DENND4B: variants seen among roughly 807,000 people sequenced by gnomAD.
DENND4B encodes the protein DENN domain-containing protein 4B.
A neutral mutation model predicts 161.0 loss-of-function variants in DENND4B; 67 were observed. The observed-to-expected ratio is 0.42, with a 90% CI of 0.34 to 0.51. The LOEUF is 0.51. Ranked by LOEUF, DENND4B falls within the 20% of genes least tolerant of loss-of-function variation. The pLI, the probability that DENND4B is intolerant of heterozygous loss-of-function variation, is 0.08. For missense variants in DENND4B, 1,481 were observed against 1,968.0 expected (o/e 0.75, Z 4.68); for synonymous variants, 753 against 813.8 (o/e 0.93, Z 1.27).
chr1:153,944,057 C>T lies in DENND4B; in HGVS notation c.317+1G>A. 1 of 1,562,128 alleles carries T rather than the reference C, an allele frequency of 6.4e-7. No homozygotes were observed. The highest frequency in any genetic ancestry group is 8.7e-7 in the Non-Finnish European group (1 of 1,151,342). On this transcript the variant is annotated splice_donor_variant, in intron 2 of 27. Transcript: ENST00000361217. LOFTEE classifies it high-confidence loss of function. This position sits in a 1 kb window ranked among gnomAD's most constrained non-coding sequence, Gnocchi z 4.8. The stretch of plus-strand genomic sequence containing the variant: ...GTGCCAGCATGGGTAGGGGCACACA[C>T]CCCAGCTCAACGAGGGGGGGCTTGT...
chr1:153,936,586 C>G lies in DENND4B; in HGVS notation c.2395G>C (p.Val799Leu). The part of the protein sequence containing the change: ...RVQALHTAYH[V>L]LRQMESGKVV... ...TTGCCGCTCTCCATCTGGCGCAGCA[C>G]ATGGTAGGCTGTGTGCAGTGCCTGC... is the stretch of plus-strand genomic sequence containing the variant. Residue 799 changes from valine to leucine, a missense_variant, in exon 16 of 28, where the codon GTG (valine) becomes CTG (leucine). Coordinates refer to ENST00000361217, the MANE Select transcript of DENND4B (RefSeq NM_014856.3). The surrounding 1 kb of genome is among the most constrained non-coding windows in gnomAD (Gnocchi z 4.1). The G allele has an allele frequency of 1.2e-6, 2 of 1,610,920 alleles. No individual in the cohort carries two copies.
At chr1:153,931,738 T>C (rs11586593) in intron 24 of DENND4B, among the ~76,000 whole-genome samples, 41,264 of 151,778 alleles carry the variant, frequency 0.27, 6,130 homozygotes, top group Admixed American at 0.38. Context: ...CCTCATGATC[T>C]GCCCACCTTG....
In DENND4B at chr1:153,946,636, C is replaced by G. The variant is rs947582940; in HGVS notation, c.-359G>C. On this transcript the variant is annotated 5_prime_UTR_variant, in exon 1 of 28. Coordinates refer to ENST00000361217, the MANE Select transcript of DENND4B (RefSeq NM_014856.3). The surrounding 1 kb of genome is among the most constrained non-coding windows in gnomAD (Gnocchi z 6.3). ...CGCGCGCCCCGCTTTCTCTACTCCC[C>G]CAACCCCCGCTCCGGGCCGCGGGCG... 4 of 384,842 alleles carry G rather than the reference C, an allele frequency of 1.0e-5. No homozygotes were observed. The Admixed American group carries it at 1.4e-4, about 13-fold the overall frequency. The allele number at this position is 384,842 out of a possible 1,614,324, so 23.8% of individuals were successfully genotyped here.
In DENND4B at chr1:153,937,588, G is replaced by C. The variant is rs1476601751; in HGVS notation, c.2132C>G (p.Ala711Gly). The change falls in exon 15 of 28, where the codon GCT (alanine) becomes GGT (glycine). Residue 711 changes from alanine to glycine, a missense_variant. Coordinates refer to ENST00000361217, the MANE Select transcript of DENND4B (RefSeq NM_014856.3). The surrounding 1 kb of genome is among the most constrained non-coding windows in gnomAD (Gnocchi z 4.7). ...CTCTTGAAGAGACTCAAACAACTCA[G>C]CCCGTAGCTCTGGGAATCCATCATA... ...YCYDGFPELR[A>G]ELFESLQEQP... 1 of 1,613,288 alleles carries C rather than the reference G, an allele frequency of 6.2e-7. No individual in the cohort carries two copies. The highest frequency in any genetic ancestry group is 8.5e-7 in the Non-Finnish European group (1 of 1,179,496).
chr1:153,940,213 T>G lies in DENND4B; in HGVS notation c.1546A>C (p.Arg516=), dbSNP rs1241701022. The part of the protein sequence containing the change: ...KLLSPRTLPR[R]PYKVLLATLT... ...GTGGCCAGCAGAACCTTGTAGGGTC[T>G]GCGGGGCAGGGTCCGAGGGGAGAGG... Residue 516 remains arginine, a synonymous_variant, in exon 11 of 28, where the codon AGA becomes CGA. Coordinates refer to ENST00000361217, the MANE Select transcript of DENND4B (RefSeq NM_014856.3). This position sits in a 1 kb window ranked among gnomAD's most constrained non-coding sequence, Gnocchi z 5.6. The G allele has an allele frequency of 1.2e-6, 2 of 1,603,732 alleles. No individual in the cohort carries two copies. The highest frequency in any genetic ancestry group is 2.2e-5 in the South Asian group (2 of 89,606).
In DENND4B at chr1:153,944,033, T is replaced by G; in HGVS notation, c.317+25A>C. 1.3e-6 allele frequency: 2 copies of G among 1,517,726 alleles called. No individual in the cohort carries two copies. Among genetic ancestry groups the G allele is most frequent in the Non-Finnish European group, 1.8e-6 (2 of 1,130,966 alleles). The allele number at this position is 1,517,726 out of a possible 1,614,324, so 94.0% of individuals were successfully genotyped here. A position where few individuals can be genotyped will look rare whatever the true frequency, so the allele number is the denominator to read the frequency against. On this transcript the variant is annotated intron_variant, in intron 2 of 27. Coordinates refer to ENST00000361217, the MANE Select transcript of DENND4B (RefSeq NM_014856.3). This position sits in a 1 kb window ranked among gnomAD's most constrained non-coding sequence, Gnocchi z 4.8. Reference sequence around the variant, plus strand: ...TGGAGTCCCTCCCAGCCTCCCCTGGTGCCAGCATGGGTAGGGGCACACACC... The same window carrying G: ...TGGAGTCCCTCCCAGCCTCCCCTGGGGCCAGCATGGGTAGGGGCACACACC...
chr1:153,931,718 G>A (rs1362100577), intron 24 of DENND4B, among the ~76,000 whole-genome samples: 13 of 151,606 alleles, frequency 8.6e-5, no homozygotes, highest in South Asian at 4.1e-4. Context: ...CGATGGTCTC[G>A]ATCTCCTGAC....
chr1:153,935,698 G>C (rs1405447425), intron 17 of DENND4B: 1 of 242,820 alleles, frequency 4.1e-6, no homozygotes, highest in African/African-American at 2.3e-5. Flanking sequence ...CCTTGGACGA[G>C]TTACTAACTC....
At chr1:153,939,135 G>A in intron 12 of DENND4B, 90 bp from the exon 13 acceptor site, 1 of 1,453,314 alleles carries the variant, frequency 6.9e-7, no homozygotes, top group South Asian at 1.3e-5. Context: ...TTGGCTCCCT[G>A]CCCACTCAGG....
At position 153,937,730 on chromosome 1, in the gene DENND4B, T is replaced by C. The variant is rs1162986653; in HGVS notation, c.2099A>G (p.Gln700Arg). ...AAGGCTAAGAGACTCTCACCAGTAC[T>C]GGGGAGTGGATTCACTGCCCTCTGG... ...ALPEGSESTP[Q>R]YCYDGFPELR... is the part of the protein sequence containing the mutation. The change falls in exon 14 of 28, where the codon CAG becomes CGG. Residue 700 changes from glutamine to arginine, a missense_variant. Around this residue, in one of 3 missense-constraint regions of DENND4B, gnomAD observed 806 missense variants for 1,134.4 expected, o/e 0.71. Coordinates refer to ENST00000361217, the MANE Select transcript of DENND4B (RefSeq NM_014856.3). This position sits in a 1 kb window ranked among gnomAD's most constrained non-coding sequence, Gnocchi z 4.7. The C allele has an allele frequency of 1.2e-6, 2 of 1,613,936 alleles. No homozygotes were observed. Among genetic ancestry groups the C allele is most frequent in the African/African-American group, 2.7e-5 (2 of 74,944 alleles).
chr1:153,942,944 C>G lies in DENND4B; in HGVS notation c.504G>C (p.Leu168=). The G allele has an allele frequency of 6.2e-7, 1 of 1,613,462 alleles. No homozygotes were observed. Among genetic ancestry groups the G allele is most frequent in the Non-Finnish European group, 8.5e-7 (1 of 1,179,510 alleles). Residue 168 remains leucine (L), a synonymous_variant, in exon 3 of 28, where the codon CTG becomes CTC. Transcript: ENST00000361217. The surrounding 1 kb of genome is among the most constrained non-coding windows in gnomAD (Gnocchi z 6.9). ...ALGITDLCLV[L]PSKGEGTPHT... The stretch of plus-strand genomic sequence containing the variant: ...GAGGAGTGCCCTCGCCCTTACTGGG[C>G]AGCACCAGGCAGAGGTCAGTGATGC...
In DENND4B at chr1:153,932,803, A is replaced by G. The variant is rs563201689; in HGVS notation, c.3624-26T>C. ...CTGCAGGGGGATAGCAGCAGGGGTCAGCTTTTGGACCTTCACCTCCCTATT... is the reference window on the plus strand; with the variant it reads ...CTGCAGGGGGATAGCAGCAGGGGTCGGCTTTTGGACCTTCACCTCCCTATT... On this transcript the variant is annotated intron_variant, in intron 22 of 27. Coordinates refer to ENST00000361217, the MANE Select transcript of DENND4B (RefSeq NM_014856.3). This position sits in a 1 kb window ranked among gnomAD's most constrained non-coding sequence, Gnocchi z 5.8. 4 of 1,613,580 alleles carry G rather than the reference A, an allele frequency of 2.5e-6. No homozygotes were observed. The South Asian group carries it at 4.4e-5, about 18-fold the overall frequency.
chr1:153,945,948 G>A (rs1338148049), intron 1 of DENND4B, among the ~76,000 whole-genome samples: 1 of 152,204 alleles, frequency 6.6e-6, no homozygotes, highest in Non-Finnish European at 1.5e-5. Flanking sequence ...TTGGGGCAGA[G>A]GGCGCGCCGA....
At position 153,940,538 on chromosome 1, in the gene DENND4B, C is replaced by G. The variant is rs768853108; in HGVS notation, c.1395G>C (p.Leu465=). 1 of 1,613,586 alleles carries G rather than the reference C, an allele frequency of 6.2e-7. No individual in the cohort carries two copies. Among genetic ancestry groups the G allele is most frequent in the Non-Finnish European group, 8.5e-7 (1 of 1,179,728 alleles). Residue 465 remains leucine, a synonymous_variant, in exon 10 of 28, where the codon CTG becomes CTC. Transcript: ENST00000361217. This position sits in a 1 kb window ranked among gnomAD's most constrained non-coding sequence, Gnocchi z 5.6. ...CCACAATGAAGGGCACTGGGGCACT[C>G]AGCACATCTGCCAGCACCAGCGGGC... ...PLCPLVLADV[L]SAPVPFIVGI... is the part of the protein sequence containing the mutation.
Position 153,933,914 on chromosome 1 carries a change from T to G in DENND4B, c.2942-43A>C, listed in dbSNP as rs1679145486. ...ATGAGGGAAGATGGACCCCAGCCTCTGCACCAACTTCCCCTTTCCTGAATA... is the reference window on the plus strand; with the variant it reads ...ATGAGGGAAGATGGACCCCAGCCTCGGCACCAACTTCCCCTTTCCTGAATA... On this transcript the variant is annotated intron_variant, in intron 19 of 27. Transcript: ENST00000361217. This position sits in a 1 kb window ranked among gnomAD's most constrained non-coding sequence, Gnocchi z 5.7. The G allele has an allele frequency of 6.3e-7, 1 of 1,587,796 alleles. No individual in the cohort carries two copies. The highest frequency in any genetic ancestry group is 8.5e-7 in the Non-Finnish European group (1 of 1,173,200).
intron 13 of DENND4B, among the ~76,000 whole-genome samples, chr1:153,938,529 C>T (rs1380155368): frequency 5.9e-5 from 9 of 151,696 alleles, no homozygotes; most frequent in East Asian, 3.9e-4. Flanking sequence ...AGTGAAACCC[C>T]GTCTCTACTA....
chr1:153,934,807 TGCTGCTGC>T lies in DENND4B; in HGVS notation c.2718_2725del (p.Gln907AlafsTer54). On this transcript the variant is annotated frameshift_variant, in exon 18 of 28. Coordinates refer to ENST00000361217, the MANE Select transcript of DENND4B (RefSeq NM_014856.3). LOFTEE classifies it high-confidence loss of function. The surrounding 1 kb of genome is among the most constrained non-coding windows in gnomAD (Gnocchi z 5.3). ...TTGATGTGCTGACACCTGCTCCTGCTGCTGCTGCTGCTGCTGCTGCTGTTGCTGCTGCT... is the reference window on the plus strand; with the variant it reads ...TTGATGTGCTGACACCTGCTCCTGCTTGCTGCTGCTGCTGTTGCTGCTGCT... 1 of 781,506 alleles carries T rather than the reference TGCTGCTGC, an allele frequency of 1.3e-6. No homozygotes were observed. Among genetic ancestry groups the T allele is most frequent in the South Asian group, 2.4e-5 (1 of 41,638 alleles). 48.4% of individuals were successfully genotyped at this position (781,506 alleles called of 1,614,324 possible). A position where few individuals can be genotyped will look rare whatever the true frequency, so the allele number is the denominator to read the frequency against.
chr1:153,944,252 G>C lies in DENND4B; in HGVS notation c.123C>G (p.Pro41=). 6.2e-7 allele frequency: 1 copy of C among 1,601,506 alleles called. No individual in the cohort carries two copies. The highest frequency in any genetic ancestry group is 8.5e-7 in the Non-Finnish European group (1 of 1,173,282). ...CATCTGTGATGGGCTCAGCTGGCCGGGGAGGGCGCAGGGGCCCACTGGGTT... is the reference window on the plus strand; with the variant it reads ...CATCTGTGATGGGCTCAGCTGGCCGCGGAGGGCGCAGGGGCCCACTGGGTT... ...VPEPSGPLRP[P]RPAEPITDVA... Residue 41 remains proline, a synonymous_variant, in exon 2 of 28, where the codon CCC becomes CCG. Transcript: ENST00000361217. This position sits in a 1 kb window ranked among gnomAD's most constrained non-coding sequence, Gnocchi z 4.8.
At chr1:153,935,010 A>G (rs1195165900) in intron 17 of DENND4B, 46 bp from the exon 18 acceptor site, 1 of 1,594,920 alleles carries the variant, frequency 6.3e-7, no homozygotes, top group East Asian at 2.2e-5. Context: ...CGACACCCTA[A>G]CCCTGCCTCA....
Sources: gnomAD v4.1 joint callset for allele counts (sites outside exome capture counted in the v4.1 genomes callset) on GRCh38, gnomAD v4.1.1 for gene constraint, gnomAD v4.1.1 regional missense constraint, Gnocchi (gnomAD v3.1) non-coding constraint, MANE v1.5 for transcripts, NCBI Gene and HGNC (gene_info 2026-07-23, HGNC 2026-07-21) for gene names.